SLC41A3: variants seen among roughly 807,000 people sequenced by gnomAD.
The protein encoded by SLC41A3 is SLC41A1-like 2.
SLC41A3 carries 44 observed loss-of-function variants against 45.4 expected under a neutral mutation model. The ratio of observed to expected loss-of-function variants is 0.97; its 90% CI spans 0.76 to 1.25. The LOEUF is 1.25. SLC41A3 is among the 50% of genes most tolerant of loss of function. SLC41A3 has a pLI of 0.00. For synonymous variants in SLC41A3, 256 were observed against 252.4 expected (o/e 1.01, Z -0.13); for missense variants, 550 against 600.6 (o/e 0.92, Z 0.88).
In SLC41A3 at chr3:126,008,809, T is replaced by C. The variant is rs778752553; in HGVS notation, c.1177A>G (p.Ile393Val). ...VPGHLIFFYIIYLVEGQSVIN... is the reference protein window; with the variant it reads ...VPGHLIFFYIVYLVEGQSVIN... The stretch of plus-strand genomic sequence containing the variant: ...ACTGACTGACCCTCCACCAGGTAGA[T>C]GATGTAGAAGAAAATCAGATGGCCT... Residue 393 changes from isoleucine (I) to valine (V), a missense_variant, in exon 10 of 11, where the codon ATC (isoleucine) becomes GTC (valine). Ile to Val is a conservative substitution (Grantham distance 29). Coordinates refer to ENST00000360370, the MANE Select transcript of SLC41A3 (RefSeq NM_017836.4). The C allele has an allele frequency of 1.9e-6, 3 of 1,614,092 alleles. No individual in the cohort carries two copies. The South Asian group carries it at 3.3e-5, about 18-fold the overall frequency.
upstream of SLC41A3, among the ~76,000 whole-genome samples, chr3:126,085,987 G>GT (rs1462366595): frequency 6.6e-6 from 1 of 152,144 alleles, no homozygotes; most frequent in Non-Finnish European, 1.5e-5. Context: ...ACTGAGACAT[G>GT]TAACAGGGTG....
intron 3 of SLC41A3, among the ~76,000 whole-genome samples, chr3:126,045,994 G>GA (rs149317301): frequency 4.7e-5 from 7 of 149,860 alleles, no homozygotes; most frequent in East Asian, 3.9e-4. Context: ...TCAATGGGGG[G>GA]AAAAAAAACC....
chr3:126,083,151 C>T (rs2108106724), intron 1 of SLC41A3, among the ~76,000 whole-genome samples: 1 of 152,320 alleles, frequency 6.6e-6, no homozygotes, highest in Middle Eastern at 3.4e-3. Context: ...TCCTCAAAGC[C>T]CTAAGGTTTC....
chr3:126,034,327 CACTT>C lies in SLC41A3; in HGVS notation c.382-653_382-650del, dbSNP rs557987736. On this transcript the variant is annotated intron_variant, in intron 3 of 10. Transcript: ENST00000360370. ...TGGTTTTTGGCTCCTAACAGCATAA[CACTT>C]ACCAACAAAATTCAAGACATAAATC... Among the ~76,000 whole-genome samples, 161 of 152,228 alleles carry C rather than the reference CACTT, an allele frequency of 1.1e-3. 1 individual carries two copies. The highest frequency in any genetic ancestry group is 2.0e-3 in the Non-Finnish European group (138 of 68,040).
rs1214133415 is a variant in SLC41A3 at position 126,007,174 on chromosome 3, G to C, written c.1306C>G (p.Gln436Glu). ...CAGTGGTTGTCAGGATCCAGGGCCT[G>C]GTGCCAAGTCAGCCGAACCATCACT... ...AEVMVRLTWHQALDPDNHCIP... is the reference protein window; with the variant it reads ...AEVMVRLTWHEALDPDNHCIP... The change falls in exon 11 of 11, where the codon CAG (glutamine) becomes GAG (glutamate). Residue 436 changes from glutamine to glutamate, a missense_variant. Gln to Glu is a conservative substitution (Grantham distance 29, BLOSUM62 2). Transcript: ENST00000360370. The C allele has an allele frequency of 6.2e-7, 1 of 1,614,182 alleles. No homozygotes were observed. The highest frequency in any genetic ancestry group is 8.5e-7 in the Non-Finnish European group (1 of 1,180,040).
At chr3:126,030,290 TATATATTATAC>T (rs1941704775) in intron 4 of SLC41A3, among the ~76,000 whole-genome samples, 1 of 147,518 alleles carries the variant, frequency 6.8e-6, no homozygotes, top group African/African-American at 2.5e-5. Flanking sequence ...TATAATTATA[TATATATTATAC>T]ATATATACAC....
At chr3:126,089,062 G>T (rs61048217), upstream of SLC41A3, among the ~76,000 whole-genome samples, 26,181 of 152,134 alleles carry the variant, frequency 0.17, 2,378 homozygotes, top group Middle Eastern at 0.27. Flanking sequence ...AGATGAAGCA[G>T]TTAATATGCT....
At chr3:126,017,228 G>A (rs1940390063) in intron 6 of SLC41A3, among the ~76,000 whole-genome samples, 1 of 152,192 alleles carries the variant, frequency 6.6e-6, no homozygotes, top group Admixed American at 6.5e-5. Context: ...TCAGTACTTC[G>A]GGTGCACAAT....
upstream of SLC41A3, among the ~76,000 whole-genome samples, chr3:126,088,877 A>T (rs1945440588): frequency 6.6e-6 from 1 of 152,222 alleles, no homozygotes; most frequent in Admixed American, 6.5e-5. Context: ...GCAGCACCCC[A>T]CAGCTCACTA....
intron 6 of SLC41A3, among the ~76,000 whole-genome samples, chr3:126,017,929 C>T (rs1940472235): frequency 1.3e-5 from 2 of 152,340 alleles, no homozygotes; most frequent in African/African-American, 4.8e-5. Context: ...CTCCCACCCT[C>T]TGGGAAACAG....
upstream of SLC41A3, among the ~76,000 whole-genome samples, chr3:126,086,408 G>GGTTTTTTTTGTTTTTTTTTTTTTTTTTT (rs776330275): frequency 4.7e-5 from 1 of 21,184 alleles, no homozygotes; most frequent in Non-Finnish European, 1.1e-4. Context: ...TTGTTTTCTT[G>GGTTTTTTTTGTTTTTTTTTTTTTTTTTT]TTTTTTTTTT....
At chr3:126,008,218 C>T (rs753478312) in intron 10 of SLC41A3, among the ~76,000 whole-genome samples, 3 of 152,186 alleles carry the variant, frequency 2.0e-5, no homozygotes, top group African/African-American at 4.8e-5. Context: ...CATAATGTGA[C>T]GAGTGATGTG....
At chr3:126,097,922 A>G (rs999234531) in intron 1 of SLC41A3, among the ~76,000 whole-genome samples, 1 of 152,196 alleles carries the variant, frequency 6.6e-6, no homozygotes. Context: ...AGACTAGTTC[A>G]TGCCCCTCTG....
rs146319433 is a variant in SLC41A3, at chr3:126,068,085, G to A, written c.135C>T (p.Ser45=). 3 of 1,613,658 alleles carry A rather than the reference G, an allele frequency of 1.9e-6. No homozygotes were observed. In the African/African-American group the frequency reaches 4.0e-5, roughly 22 times the overall value. ...SEDGALRAPE[S]QSVTPKPLET... ...CCAGTGGCTTGGGGGTCACGCTTTG[G>A]CTCTCAGGGGCCCTGAGAGCTCCAT... Residue 45 remains serine (S), a synonymous_variant, in exon 2 of 11, where the codon AGC becomes AGT. Coordinates refer to ENST00000360370, the MANE Select transcript of SLC41A3 (RefSeq NM_017836.4).
intron 8 of SLC41A3, among the ~76,000 whole-genome samples, chr3:126,014,951 T>C (rs553464799): frequency 6.6e-6 from 1 of 151,910 alleles, no homozygotes; most frequent in South Asian, 2.1e-4. Context: ...AAGGGGGAGA[T>C]CAAGGCAGCT....
At chr3:126,065,522 T>C (rs576264690) in intron 2 of SLC41A3, among the ~76,000 whole-genome samples, 1 of 152,314 alleles carries the variant, frequency 6.6e-6, no homozygotes, top group South Asian at 2.1e-4. Context: ...ACCTCTCATA[T>C]ATGCAATGAA....
At chr3:126,042,849 C>T (rs1013611918) in intron 3 of SLC41A3, among the ~76,000 whole-genome samples, 17 of 151,746 alleles carry the variant, frequency 1.1e-4, no homozygotes, top group Admixed American at 2.6e-4. Context: ...TTTATCAAGT[C>T]TGAAAGAACA....
chr3:126,029,978 G>C (rs1941673012), intron 4 of SLC41A3, among the ~76,000 whole-genome samples: 1 of 147,188 alleles, frequency 6.8e-6, no homozygotes, highest in Non-Finnish European at 1.5e-5. Flanking sequence ...TATTAAACAG[G>C]GTAAGAAAAA....
intron 2 of SLC41A3, among the ~76,000 whole-genome samples, chr3:126,066,677 G>A (rs975744686): frequency 6.6e-6 from 1 of 152,200 alleles, no homozygotes; most frequent in African/African-American, 2.4e-5. Context: ...ATAGGAAATA[G>A]TCACAAACCT....
Sources: allele counts gnomAD v4.1 joint callset (sites outside exome capture counted in the v4.1 genomes callset), GRCh38; gene constraint gnomAD v4.1.1; transcripts MANE v1.5; gene names NCBI Gene and HGNC (gene_info 2026-07-23, HGNC 2026-07-21).